WDFY1: variants seen among roughly 807,000 people sequenced by gnomAD.
The protein encoded by WDFY1 is WD repeat and FYVE domain containing 1.
Under a neutral mutation model 56.4 loss-of-function variants are expected in WDFY1, and 32 were observed. That is an observed-to-expected ratio of 0.57 (90% CI 0.43 to 0.76). The LOEUF (loss-of-function observed/expected upper bound fraction) is 0.76. WDFY1 is among the 30% of genes least tolerant of loss of function. The probability of loss-of-function intolerance (pLI) is 0.00; values close to 1 mark genes in which losing one functional copy is unlikely to be tolerated. For synonymous variants in WDFY1, 192 were observed against 197.3 expected (o/e 0.97, Z 0.23); for missense variants, 480 against 545.7 (o/e 0.88, Z 1.20).
intron 8 of WDFY1, among the ~76,000 whole-genome samples, chr2:223,887,668 T>G (rs1693194834): frequency 6.6e-6 from 1 of 152,224 alleles, no homozygotes; most frequent in South Asian, 2.1e-4. Flanking sequence ...AAGTATTACT[T>G]AAAATAAAAA....
intron 1 of WDFY1, among the ~76,000 whole-genome samples, chr2:223,922,661 G>A (rs549771368): frequency 1.8e-4 from 28 of 152,272 alleles, no homozygotes; most frequent in African/African-American, 6.7e-4. Flanking sequence ...GCAATCTTAG[G>A]TCATGAATGT....
chr2:223,913,405 A>G (rs1693737200), intron 2 of WDFY1, among the ~76,000 whole-genome samples: 1 of 152,164 alleles, frequency 6.6e-6, no homozygotes, highest in African/African-American at 2.4e-5. Flanking sequence ...TTTCAGTTGC[A>G]TCCAAGAACT....
intron 10 of WDFY1, 54 bp downstream of exon 10, chr2:223,881,888 A>G: frequency 1.9e-6 from 3 of 1,591,622 alleles, no homozygotes; most frequent in Non-Finnish European, 2.6e-6. Context: ...ATTTCAGAGA[A>G]CCATTAGACA....
intron 5 of WDFY1, chr2:223,899,382 C>A (rs192546367): frequency 7.5e-6 from 2 of 266,482 alleles, no homozygotes; most frequent in East Asian, 1.7e-4. Context: ...AAAAAAAGAG[C>A]TGGTAGGGCA....
At chr2:223,913,036 GAAAAAC>G in intron 2 of WDFY1, among the ~76,000 whole-genome samples, 1 of 152,024 alleles carries the variant, frequency 6.6e-6, no homozygotes, top group South Asian at 2.1e-4. Flanking sequence ...GCATGCTAGG[GAAAAAC>G]AAAACAAAAC....
At chr2:223,886,956 C>T (rs1459848365) in intron 8 of WDFY1, among the ~76,000 whole-genome samples, 1 of 151,994 alleles carries the variant, frequency 6.6e-6, no homozygotes, top group East Asian at 1.9e-4. Flanking sequence ...ATATAACAGA[C>T]ATTAGAAAGG....
intron 1 of WDFY1, among the ~76,000 whole-genome samples, chr2:223,942,398 T>C (rs1022521320): frequency 3.3e-5 from 5 of 151,424 alleles, no homozygotes; most frequent in Non-Finnish European, 7.4e-5. Flanking sequence ...TTTTGAATTT[T>C]TAGTAGAGAC....
chr2:223,891,091 A>T (rs2106075524), intron 8 of WDFY1, among the ~76,000 whole-genome samples: 1 of 152,160 alleles, frequency 6.6e-6, no homozygotes, highest in East Asian at 1.9e-4. Context: ...ATAAAACCCT[A>T]AAGGCCAGGC....
chr2:223,943,680 C>T (rs1029067240), intron 1 of WDFY1, among the ~76,000 whole-genome samples: 6 of 152,210 alleles, frequency 3.9e-5, no homozygotes, highest in Admixed American at 1.3e-4. Flanking sequence ...CAAATTCCCA[C>T]CGGAAAGCTA....
At chr2:223,895,980 G>A (rs1693361052) in intron 6 of WDFY1, among the ~76,000 whole-genome samples, 1 of 151,530 alleles carries the variant, frequency 6.6e-6, no homozygotes, top group Admixed American at 6.6e-5. Flanking sequence ...CCAACATGGT[G>A]AAACCCTATC....
At chr2:223,903,458 G>A (rs1693538357) in intron 4 of WDFY1, among the ~76,000 whole-genome samples, 1 of 151,902 alleles carries the variant, frequency 6.6e-6, no homozygotes, top group Non-Finnish European at 1.5e-5. Context: ...AGGAGGCAGA[G>A]GTTGCAGTGA....
intron 8 of WDFY1, among the ~76,000 whole-genome samples, chr2:223,886,887 A>G (rs977475615): frequency 6.6e-6 from 1 of 152,062 alleles, no homozygotes; most frequent in African/African-American, 2.4e-5. Context: ...CTCCTATTGC[A>G]TCAAAACTTT....
chr2:223,907,686 A>G (rs1321942070), intron 3 of WDFY1, among the ~76,000 whole-genome samples: 5 of 152,172 alleles, frequency 3.3e-5, no homozygotes, highest in Non-Finnish European at 7.3e-5. Context: ...TGATATTCCT[A>G]TAAAATTTTC....
chr2:223,940,993 T>A (rs1689295008), intron 1 of WDFY1, among the ~76,000 whole-genome samples: 1 of 152,178 alleles, frequency 6.6e-6, no homozygotes, highest in Non-Finnish European at 1.5e-5. Flanking sequence ...CAGCTAATTT[T>A]GTATTTTTAG....
intron 1 of WDFY1, among the ~76,000 whole-genome samples, chr2:223,929,700 G>A (rs1465520363): frequency 2.0e-5 from 3 of 152,118 alleles, no homozygotes; most frequent in Non-Finnish European, 4.4e-5. Context: ...TGAGAACGAG[G>A]TGCCACATCC....
intron 8 of WDFY1, among the ~76,000 whole-genome samples, chr2:223,886,388 C>CA (rs1338417941): frequency 6.6e-6 from 1 of 151,794 alleles, no homozygotes; most frequent in Admixed American, 6.6e-5. Flanking sequence ...TTTCTCTAAA[C>CA]AAAAAATTAC....
intron 5 of WDFY1, among the ~76,000 whole-genome samples, chr2:223,900,156 C>A (rs866433768): frequency 6.6e-6 from 1 of 152,158 alleles, no homozygotes; most frequent in Non-Finnish European, 1.5e-5. Context: ...TATCACTCTT[C>A]CAAAACACGG....
chr2:223,923,174 C>G (rs1216376531), intron 1 of WDFY1, among the ~76,000 whole-genome samples: 1 of 152,150 alleles, frequency 6.6e-6, no homozygotes, highest in Non-Finnish European at 1.5e-5. Flanking sequence ...CTTTTCAAAC[C>G]AGACCCTTCC....
intron 10 of WDFY1, among the ~76,000 whole-genome samples, chr2:223,881,696 G>A (rs1304502805): frequency 6.6e-6 from 1 of 152,120 alleles, no homozygotes; most frequent in African/African-American, 2.4e-5. Flanking sequence ...GCTGAGGCAG[G>A]AGAATCGCTT....
Sources: allele counts gnomAD v4.1 joint callset (sites outside exome capture counted in the v4.1 genomes callset), GRCh38; gene constraint gnomAD v4.1.1; transcripts MANE v1.5; gene names NCBI Gene and HGNC (gene_info 2026-07-23, HGNC 2026-07-21).